Variants in HSPA12A observed in about 807,000 individuals in gnomAD.
The protein encoded by HSPA12A is heat shock 70 kDa protein 12A.
In HSPA12A, 28 loss-of-function variants were observed where a neutral mutation model predicts 69.2. The ratio of observed to expected loss-of-function variants is 0.40; its 90% CI spans 0.30 to 0.55. HSPA12A has a LOEUF of 0.55. Ranked by LOEUF, HSPA12A falls within the 20% of genes least tolerant of loss-of-function variation. The pLI is 0.38. For missense variants in HSPA12A, 686 were observed against 900.7 expected (o/e 0.76, Z 3.05); for synonymous variants, 345 against 370.5 (o/e 0.93, Z 0.79).
In HSPA12A at chr10:116,676,420, C is replaced by T. The variant is rs199760082; in HGVS notation, c.1369G>A (p.Asp457Asn). The change falls in exon 11 of 12, where the codon GAT becomes AAT. Residue 457 changes from aspartate (D) to asparagine (N), a missense_variant. Physicochemically the swap from Asp to Asn is conservative, Grantham distance 23. Transcript: ENST00000369209. Reference sequence around the variant, plus strand: ...TTACGGAGATGCTCAATGATGCTATCGATGGTCGGCTTAAAAAGGGCGTTC... The same window carrying T: ...TTACGGAGATGCTCAATGATGCTATTGATGGTCGGCTTAAAAAGGGCGTTC... ...AMNALFKPTI[D>N]SIIEHLRDLF... 1.1e-4 allele frequency: 177 copies of T among 1,613,856 alleles called. No homozygotes were observed. The highest frequency in any genetic ancestry group is 4.3e-4 in the Admixed American group (26 of 60,030).
chr10:116,821,322 C>A (rs1845406399), intron 2 of HSPA12A, among the ~76,000 whole-genome samples: 1 of 152,150 alleles, frequency 6.6e-6, no homozygotes, highest in Non-Finnish European at 1.5e-5. Flanking sequence ...CACCTCCTAC[C>A]TCAGGACCTT....
In HSPA12A at chr10:116,795,087, A is replaced by G. The variant is rs1431928120; in HGVS notation, c.91+39848T>C. ...TAAGTATTCATCTTAGAAGGGGGATAAATAAAAGCAAAATAAACCCAAACA... is the reference window on the plus strand; with the variant it reads ...TAAGTATTCATCTTAGAAGGGGGATGAATAAAAGCAAAATAAACCCAAACA... On this transcript the variant is annotated intron_variant, in intron 2 of 12. Transcript: ENST00000635765. 2.6e-5 allele frequency among the ~76,000 whole-genome samples: 4 copies of G among 152,206 alleles called. No homozygotes were observed. In the East Asian group the frequency reaches 7.7e-4, roughly 29 times the overall value.
rs1184747952 is a variant in HSPA12A at position 116,672,328 on chromosome 10, C to T, written c.*2453G>A. 6.6e-6 allele frequency: 1 copy of T among 152,210 alleles called. No individual in the cohort carries two copies. Among genetic ancestry groups the T allele is most frequent in the East Asian group, 1.9e-4 (1 of 5,192 alleles). The allele number at this position is 152,210 out of a possible 1,614,324, so 9.4% of individuals were successfully genotyped here. A position where few individuals can be genotyped will look rare whatever the true frequency, so the allele number is the denominator to read the frequency against. ...TTTCTTAGGTTGTTCTGCGCAGTCA[C>T]ATGGCTTCCAGAACCAGAACGTTCA... is the stretch of plus-strand genomic sequence containing the variant. On this transcript the variant is annotated 3_prime_UTR_variant, in exon 12 of 12. Coordinates refer to ENST00000369209, the MANE Select transcript of HSPA12A (RefSeq NM_025015.3).
intron 2 of HSPA12A, among the ~76,000 whole-genome samples, chr10:116,816,488 C>T (rs1045515824): frequency 6.6e-6 from 1 of 152,212 alleles, no homozygotes; most frequent in Admixed American, 6.5e-5. Context: ...TAACTCCAAA[C>T]TTCACAGCAC....
At chr10:116,704,225 G>A (rs1303684144) in intron 3 of HSPA12A, among the ~76,000 whole-genome samples, 2 of 152,146 alleles carry the variant, frequency 1.3e-5, no homozygotes, top group African/African-American at 4.8e-5. Context: ...GTCCAACAAC[G>A]GTAGACTAGA....
At chr10:116,802,317 T>C (rs1404077221) in intron 2 of HSPA12A, among the ~76,000 whole-genome samples, 1 of 152,188 alleles carries the variant, frequency 6.6e-6, no homozygotes, top group Non-Finnish European at 1.5e-5. Flanking sequence ...TGCAGGAAGA[T>C]ATTGGTGATG....
chr10:116,823,900 T>A (rs912201425), intron 2 of HSPA12A, among the ~76,000 whole-genome samples: 1 of 152,090 alleles, frequency 6.6e-6, no homozygotes, highest in Non-Finnish European at 1.5e-5. Context: ...AAAATATGGC[T>A]AAACTGGACT....
chr10:116,681,262 A>G lies in HSPA12A; in HGVS notation c.923-6T>C, dbSNP rs1554878572. 4 of 1,611,916 alleles carry G rather than the reference A, an allele frequency of 2.5e-6. No individual in the cohort carries two copies. Among genetic ancestry groups the G allele is most frequent in the Non-Finnish European group, 3.4e-6 (4 of 1,178,114 alleles). ...CACAACCACATACTTATCACCTGGC[A>G]CAAAAACAGCCATCTTTTACACAGA... On this transcript the variant is annotated splice_polypyrimidine_tract_variant and splice_region_variant and intron_variant, in intron 8 of 11. Transcript: ENST00000369209.
intron 9 of HSPA12A, among the ~76,000 whole-genome samples, chr10:116,680,580 G>A (rs1849373185): frequency 6.6e-6 from 1 of 152,138 alleles, no homozygotes; most frequent in African/African-American, 2.4e-5. Flanking sequence ...CTGCCTCCTG[G>A]GTTCAAGCAA....
At chr10:116,762,411 T>C (rs1334645010) in intron 2 of HSPA12A, among the ~76,000 whole-genome samples, 1 of 152,168 alleles carries the variant, frequency 6.6e-6, no homozygotes, top group Non-Finnish European at 1.5e-5. Flanking sequence ...ATTTTAAATC[T>C]TGACTTCCTC....
intron 2 of HSPA12A, among the ~76,000 whole-genome samples, chr10:116,749,158 A>G (rs1851716781): frequency 6.6e-6 from 1 of 152,172 alleles, no homozygotes; most frequent in African/African-American, 2.4e-5. Context: ...TTCACGTTAT[A>G]GAGAAAAATG....
intron 5 of HSPA12A, among the ~76,000 whole-genome samples, chr10:116,694,485 A>G (rs1411787767): frequency 2.0e-5 from 3 of 152,080 alleles, no homozygotes; most frequent in African/African-American, 7.2e-5. Flanking sequence ...TGAGCTGAGG[A>G]ATTCACAAAC....
intron 10 of HSPA12A, among the ~76,000 whole-genome samples, chr10:116,678,564 C>T (rs1479835116): frequency 1.7e-5 from 2 of 119,706 alleles, no homozygotes; most frequent in Non-Finnish European, 3.3e-5. Flanking sequence ...GTAGAGCCCT[C>T]ATTTGGATGT....
chr10:116,679,845 T>C, intron 9 of HSPA12A, 84 bp from the exon 10 acceptor site: 2 of 1,465,916 alleles, frequency 1.4e-6, no homozygotes, highest in Admixed American at 3.8e-5. Flanking sequence ...GCCCACCTGT[T>C]CATCTCTGAG....
intron 1 of HSPA12A, among the ~76,000 whole-genome samples, chr10:116,739,555 C>A (rs1554886764): frequency 6.6e-6 from 1 of 152,032 alleles, no homozygotes; most frequent in African/African-American, 2.4e-5. Context: ...ATGTCTAGCC[C>A]TGACTTGGTC....
intron 1 of HSPA12A, among the ~76,000 whole-genome samples, chr10:116,721,750 A>G (rs1329465952): frequency 6.6e-6 from 1 of 151,978 alleles, no homozygotes; most frequent in African/African-American, 2.4e-5. Context: ...TCAGAAACAT[A>G]TACACTCCAG....
chr10:116,719,844 T>A (rs1187049243), intron 1 of HSPA12A, among the ~76,000 whole-genome samples: 1 of 152,182 alleles, frequency 6.6e-6, no homozygotes, highest in Non-Finnish European at 1.5e-5. Flanking sequence ...AGCAAGTCCC[T>A]GTCACCAGTG....
intron 2 of HSPA12A, among the ~76,000 whole-genome samples, chr10:116,763,244 G>T (rs1844009734): frequency 6.6e-6 from 1 of 152,210 alleles, no homozygotes; most frequent in African/African-American, 2.4e-5. Flanking sequence ...TGCTGCTTCT[G>T]AATGGATCTG....
chr10:116,786,157 C>T (rs543441504), intron 2 of HSPA12A, among the ~76,000 whole-genome samples: 5 of 152,332 alleles, frequency 3.3e-5, no homozygotes, highest in African/African-American at 1.2e-4. Context: ...AGAAGAGACT[C>T]TCAGCAAATC....
Sources: allele counts gnomAD v4.1 joint callset (sites outside exome capture counted in the v4.1 genomes callset), GRCh38; gene constraint gnomAD v4.1.1; transcripts MANE v1.5; gene names NCBI Gene and HGNC (gene_info 2026-07-23, HGNC 2026-07-21).